Variants in NKAIN3 observed in about 807,000 individuals in gnomAD.
NKAIN3 encodes the protein sodium/potassium transporting ATPase interacting 3, also known as sodium/potassium-transporting ATPase subunit beta-1-interacting protein 3.
NKAIN3 carries 25 observed loss-of-function variants against 30.2 expected under a neutral mutation model. The ratio of observed to expected loss-of-function variants is 0.83; its 90% CI spans 0.60 to 1.16. The LOEUF is 1.16. Among genes scored for constraint, NKAIN3 ranks in the 50% most tolerant of loss-of-function variants. NKAIN3 has a pLI of 0.00. For missense variants in NKAIN3, 225 were observed against 254.1 expected, an observed-to-expected ratio of 0.89 and a Z score of 0.78; for synonymous variants, 91 against 89.6, an observed-to-expected ratio of 1.02 and a Z score of -0.09.
intron 1 of NKAIN3, among the ~76,000 whole-genome samples, chr8:62,430,948 A>G (rs923056092): frequency 6.6e-6 from 1 of 151,960 alleles, no homozygotes; most frequent in Non-Finnish European, 1.5e-5. Flanking sequence ...GGAAAGTATT[A>G]TAGGCATAGG....
intron 3 of NKAIN3, among the ~76,000 whole-genome samples, chr8:62,681,182 AT>A (rs1813633523): frequency 6.6e-6 from 1 of 152,214 alleles, no homozygotes; most frequent in Non-Finnish European, 1.5e-5. Flanking sequence ...CTGAATATCC[AT>A]TTAAAAAGTG....
intron 5 of NKAIN3, among the ~76,000 whole-genome samples, chr8:62,933,571 A>G (rs886089238): frequency 3.9e-5 from 6 of 152,196 alleles, no homozygotes; most frequent in Admixed American, 1.3e-4. Context: ...TCTCTCAGCC[A>G]TTCTATTCTG....
At chr8:62,525,713 G>C (rs190372127) in intron 1 of NKAIN3, among the ~76,000 whole-genome samples, 1 of 152,212 alleles carries the variant, frequency 6.6e-6, no homozygotes, top group African/African-American at 2.4e-5. Flanking sequence ...TTCACACTGG[G>C]AGTCAATGGT....
At chr8:62,858,698 C>T (rs1820140097) in intron 4 of NKAIN3, among the ~76,000 whole-genome samples, 1 of 152,222 alleles carries the variant, frequency 6.6e-6, no homozygotes. Flanking sequence ...TTGGACTCTT[C>T]AAAGTCCACA....
chr8:62,759,583 G>A (rs1383158), intron 4 of NKAIN3, among the ~76,000 whole-genome samples: 26,524 of 152,026 alleles, frequency 0.17, 2,509 homozygotes, highest in East Asian at 0.29. Context: ...TCATTAATTG[G>A]ATAAGACAGC....
chr8:62,337,251 A>G (rs1040050139), intron 1 of NKAIN3, among the ~76,000 whole-genome samples: 1 of 152,010 alleles, frequency 6.6e-6, no homozygotes, highest in African/African-American at 2.4e-5. Flanking sequence ...CCTTCCTCCC[A>G]TATTGAAAAG....
chr8:62,452,734 T>C (rs900185042), intron 1 of NKAIN3, among the ~76,000 whole-genome samples: 1 of 152,202 alleles, frequency 6.6e-6, no homozygotes, highest in African/African-American at 2.4e-5. Context: ...CTTAATTCCT[T>C]ATTGAAAGTG....
intron 1 of NKAIN3, among the ~76,000 whole-genome samples, chr8:62,398,080 C>G (rs1323105773): frequency 1.2e-4 from 18 of 152,072 alleles, no homozygotes; most frequent in Non-Finnish European, 1.5e-5. Flanking sequence ...AAGAAGCCCC[C>G]CAAACAGCCC....
intron 1 of NKAIN3, among the ~76,000 whole-genome samples, chr8:62,348,679 T>A (rs184720592): frequency 7.6e-4 from 116 of 152,320 alleles, no homozygotes; most frequent in African/African-American, 2.7e-3. Context: ...GGGCTGTGAA[T>A]TTTAAGATGA....
chr8:62,253,600 A>G (rs1209302816), intron 1 of NKAIN3, among the ~76,000 whole-genome samples: 1 of 152,188 alleles, frequency 6.6e-6, no homozygotes, highest in Non-Finnish European at 1.5e-5. Context: ...GTAAATAAAT[A>G]AATAAATAGA....
At chr8:62,498,855 A>G (rs1181889699) in intron 1 of NKAIN3, among the ~76,000 whole-genome samples, 1 of 152,012 alleles carries the variant, frequency 6.6e-6, no homozygotes, top group Non-Finnish European at 1.5e-5. Flanking sequence ...ACCAAATCAC[A>G]AGCATGATAA....
In NKAIN3 at chr8:62,980,218, T is replaced by G. The variant is rs529430642; in HGVS notation, c.*14811T>G. 1 of 152,326 alleles carries G rather than the reference T, an allele frequency of 6.6e-6. No individual in the cohort carries two copies. Among genetic ancestry groups the G allele is most frequent in the African/African-American group, 2.4e-5 (1 of 41,572 alleles). The allele number at this position is 152,326 out of a possible 1,614,324, so 9.4% of individuals were successfully genotyped here. On this transcript the variant is annotated 3_prime_UTR_variant, in exon 7 of 7. Coordinates refer to ENST00000623646, the MANE Select transcript of NKAIN3 (RefSeq NM_001304533.3). ...CTGGGTGTCAGTCTCTTCTAAAAAT[T>G]TTGTTCCTAAGGAATTGATTTTGCA... is the stretch of plus-strand genomic sequence containing the variant.
rs1350836707 is a variant in NKAIN3, at chr8:62,311,888, C to A, written c.54+62761C>A. Among the ~76,000 whole-genome samples the A allele has an allele frequency of 4.7e-5, 7 of 150,360 alleles. 1 individual carries two copies. The highest frequency in any genetic ancestry group is 1.8e-4 in the African/African-American group (7 of 39,760). On this transcript the variant is annotated intron_variant, in intron 1 of 6. Transcript: ENST00000623646. Reference sequence around the variant, plus strand: ...GCAAAGTAAAAGGCTAACTCTCACCCACCCCTCATTTTACCATGGGATGTT... The same window carrying A: ...GCAAAGTAAAAGGCTAACTCTCACCAACCCCTCATTTTACCATGGGATGTT...
intron 3 of NKAIN3, among the ~76,000 whole-genome samples, chr8:62,691,539 C>T (rs557532349): frequency 3.3e-5 from 5 of 152,132 alleles, no homozygotes; most frequent in Admixed American, 6.5e-5. Context: ...AATGTTGTTG[C>T]TATTGGTTTG....
chr8:62,395,732 T>A (rs894014446), intron 1 of NKAIN3, among the ~76,000 whole-genome samples: 1 of 152,196 alleles, frequency 6.6e-6, no homozygotes, highest in African/African-American at 2.4e-5. Flanking sequence ...TATATCTTAA[T>A]TTGATAGATA....
intron 3 of NKAIN3, among the ~76,000 whole-genome samples, chr8:62,698,338 T>G (rs933698370): frequency 6.6e-6 from 1 of 152,192 alleles, no homozygotes; most frequent in African/African-American, 2.4e-5. Flanking sequence ...GTGTGAAGCA[T>G]GATAGACTTT....
chr8:62,639,009 A>C (rs1479494222), intron 3 of NKAIN3, among the ~76,000 whole-genome samples: 2 of 152,150 alleles, frequency 1.3e-5, no homozygotes, highest in Non-Finnish European at 2.9e-5. Context: ...TTTCTCTGCA[A>C]GTGTACTATC....
intron 2 of NKAIN3, among the ~76,000 whole-genome samples, chr8:62,586,682 G>T (rs941605002): frequency 6.6e-6 from 1 of 152,026 alleles, no homozygotes; most frequent in Non-Finnish European, 1.5e-5. Flanking sequence ...TAAACTAATT[G>T]CTTGATGGGG....
chr8:62,818,444 A>G (rs2130726828), intron 4 of NKAIN3, among the ~76,000 whole-genome samples: 1 of 152,282 alleles, frequency 6.6e-6, no homozygotes, highest in East Asian at 1.9e-4. Flanking sequence ...TTGGCCCTGT[A>G]CATGATGCAT....
Sources: gnomAD v4.1 joint callset for allele counts (sites outside exome capture counted in the v4.1 genomes callset) on GRCh38, gnomAD v4.1.1 for gene constraint, MANE v1.5 for transcripts, NCBI Gene and HGNC (gene_info 2026-07-23, HGNC 2026-07-21) for gene names.